The following CAMTA1 variants were observed in gnomAD, a reference collection of about 807,000 sequenced individuals.
CAMTA1 encodes the protein calmodulin binding transcription activator 1, also known as calmodulin-binding transcription activator 1.
Under a neutral mutation model 170.9 loss-of-function variants are expected in CAMTA1, and 27 were observed. That is an observed-to-expected ratio of 0.16 (90% CI 0.12 to 0.22). The LOEUF is 0.22. Among genes scored for constraint, CAMTA1 ranks in the 10% least tolerant of loss-of-function variants. The probability of loss-of-function intolerance (pLI) is 1.00; values close to 1 mark genes in which losing one functional copy is unlikely to be tolerated. For synonymous variants in CAMTA1, 833 were observed against 891.5 expected (o/e 0.93, Z 1.17); for missense variants, 1,619 against 2,217.2 (o/e 0.73, Z 5.42).
intron 11 of CAMTA1, among the ~76,000 whole-genome samples, chr1:7,728,112 A>G (rs1219111954): frequency 2.0e-5 from 3 of 152,250 alleles, no homozygotes; most frequent in Non-Finnish European, 2.9e-5. Context: ...GCAGCTTAAT[A>G]TCATGCACTC....
At chr1:7,329,658 A>G (rs188397294) in intron 5 of CAMTA1, among the ~76,000 whole-genome samples, 10 of 152,250 alleles carry the variant, frequency 6.6e-5, no homozygotes, top group African/African-American at 2.2e-4. Context: ...TCCAATAAAT[A>G]CCCTACGTGT....
At chr1:7,302,865 G>C (rs916839995) in intron 5 of CAMTA1, among the ~76,000 whole-genome samples, 1 of 152,302 alleles carries the variant, frequency 6.6e-6, no homozygotes, top group South Asian at 2.1e-4. Flanking sequence ...CTGGCAATCT[G>C]CAGCAGAATT....
chr1:7,590,593 G>A (rs2095348230), intron 6 of CAMTA1, among the ~76,000 whole-genome samples: 1 of 152,212 alleles, frequency 6.6e-6, no homozygotes, highest in South Asian at 2.1e-4. Context: ...TAGCATACTT[G>A]GGGTGGGCGG....
rs573205489 is a variant in CAMTA1, at chr1:7,506,018, G to A, written c.510+38117G>A. ...GCAGAAGCCAGTGGAAGGGGAGGCA[G>A]AGCTCTTCACATCAGTGATGACAGA... On this transcript the variant is annotated intron_variant, in intron 6 of 22. Transcript: ENST00000303635. Among the ~76,000 whole-genome samples the A allele has an allele frequency of 2.6e-5, 4 of 152,316 alleles. No individual in the cohort carries two copies. In the South Asian group the frequency reaches 8.3e-4, roughly 32 times the overall value.
At chr1:6,786,192 AG>A (rs1168413776) in intron 1 of CAMTA1, among the ~76,000 whole-genome samples, 1 of 151,762 alleles carries the variant, frequency 6.6e-6, no homozygotes, top group African/African-American at 2.4e-5. Flanking sequence ...TCTCCCCGCC[AG>A]GGGGACCCCG....
intron 3 of CAMTA1, among the ~76,000 whole-genome samples, chr1:6,907,573 G>A (rs1255746281): frequency 3.3e-5 from 5 of 152,192 alleles, no homozygotes; most frequent in Non-Finnish European, 7.3e-5. Context: ...GCACCGTTCG[G>A]GGCTTCATGG....
intron 3 of CAMTA1, among the ~76,000 whole-genome samples, chr1:6,926,081 T>TAA (rs1683025091): frequency 6.6e-6 from 1 of 152,244 alleles, no homozygotes; most frequent in Admixed American, 6.5e-5. Flanking sequence ...ATGAACTGAT[T>TAA]AAATCCACAG....
intron 1 of CAMTA1, among the ~76,000 whole-genome samples, chr1:6,818,385 C>G (rs1646084206): frequency 6.6e-6 from 1 of 152,122 alleles, no homozygotes; most frequent in Non-Finnish European, 1.5e-5. Flanking sequence ...TCAGGCAATC[C>G]TGTTTGTTCT....
intron 3 of CAMTA1, among the ~76,000 whole-genome samples, chr1:6,855,296 T>A (rs1206870494): frequency 6.6e-6 from 1 of 151,710 alleles, no homozygotes; most frequent in Non-Finnish European, 1.5e-5. Flanking sequence ...TACCCAAGAC[T>A]GGGTGATTTA....
intron 3 of CAMTA1, among the ~76,000 whole-genome samples, chr1:6,861,230 A>C (rs1328526455): frequency 6.6e-6 from 1 of 152,188 alleles, no homozygotes; most frequent in Non-Finnish European, 1.5e-5. Context: ...TTCTGGGATT[A>C]CAGGCATGAG....
chr1:6,964,490 C>CT (rs1691170657), intron 3 of CAMTA1, among the ~76,000 whole-genome samples: 3 of 152,124 alleles, frequency 2.0e-5, no homozygotes, highest in Non-Finnish European at 2.9e-5. Context: ...ACACTGCAGT[C>CT]TTTGTTTCTT....
chr1:7,589,028 C>A (rs370769433), intron 6 of CAMTA1, among the ~76,000 whole-genome samples: 2 of 152,356 alleles, frequency 1.3e-5, no homozygotes, highest in South Asian at 2.1e-4. Context: ...GACTCCCTTT[C>A]CATTTTAACT....
intron 3 of CAMTA1, among the ~76,000 whole-genome samples, chr1:6,908,285 T>G (rs1678985323): frequency 6.6e-6 from 1 of 152,196 alleles, no homozygotes; most frequent in Non-Finnish European, 1.5e-5. Context: ...CCTTCACGCC[T>G]CTTGTGTCCA....
chr1:7,709,455 C>T (rs2149637058), intron 11 of CAMTA1, among the ~76,000 whole-genome samples: 1 of 152,328 alleles, frequency 6.6e-6, no homozygotes, highest in African/African-American at 2.4e-5. Flanking sequence ...AAATGATTTC[C>T]CATGCAGGTC....
intron 3 of CAMTA1, among the ~76,000 whole-genome samples, chr1:6,854,183 G>A (rs2148832974): frequency 6.6e-6 from 1 of 152,292 alleles, no homozygotes; most frequent in East Asian, 1.9e-4. Flanking sequence ...TATTGGAACT[G>A]GAAAATTCCT....
intron 4 of CAMTA1, chr1:7,219,542 TAAAAAAAAAAAAAAAAAA>T (rs34288461): frequency 1.4e-4 from 9 of 65,280 alleles, no homozygotes; most frequent in Admixed American, 2.2e-4. Flanking sequence ...AATTTTTTCT[TAAAAAAAAAAAAAAAAAA>T]AAAAAAAAAA....
intron 6 of CAMTA1, among the ~76,000 whole-genome samples, chr1:7,615,217 A>T (rs1475189114): frequency 2.0e-5 from 3 of 152,304 alleles, no homozygotes; most frequent in Middle Eastern, 3.4e-3. Context: ...CGATGTCAGA[A>T]CCCACAGTGC....
chr1:6,834,594 T>C, intron 3 of CAMTA1: 1 of 172,734 alleles, frequency 5.8e-6, no homozygotes, highest in South Asian at 1.3e-4. Flanking sequence ...TTGCAACACT[T>C]TCCAAACGGT....
rs931550951 is a variant in CAMTA1 at position 7,295,468 on chromosome 1, G to A, written c.438+45842G>A. 1.1e-4 allele frequency among the ~76,000 whole-genome samples: 16 copies of A among 152,318 alleles called. No homozygotes were observed. The South Asian group carries it at 2.7e-3, about 26-fold the overall frequency. On this transcript the variant is annotated intron_variant, in intron 5 of 22. Transcript: ENST00000303635. ...GATCTGCACAGTGGTACTTAGCAGC[G>A]TTCTAGGCACCTGGTAAGGGTTTGA...
Sources: gnomAD v4.1 joint callset for allele counts (sites outside exome capture counted in the v4.1 genomes callset) on GRCh38, gnomAD v4.1.1 for gene constraint, MANE v1.5 for transcripts, NCBI Gene and HGNC (gene_info 2026-07-23, HGNC 2026-07-21) for gene names.